GTF2H3: variants seen among roughly 807,000 people sequenced by gnomAD.
GTF2H3 encodes TFIIH basal transcription factor complex p34 subunit.
A neutral mutation model predicts 51.1 loss-of-function variants in GTF2H3; 42 were observed. The observed-to-expected ratio is 0.82, with a 90% CI of 0.64 to 1.06. The LOEUF (loss-of-function observed/expected upper bound fraction) is 1.06, where lower values mean the gene tolerates loss of function less well. Among genes scored for constraint, GTF2H3 ranks in the 50% least tolerant of loss-of-function variants. The pLI is 0.00. For missense variants in GTF2H3, 326 were observed against 366.1 expected, an observed-to-expected ratio of 0.89 and a Z score of 0.89; for synonymous variants, 123 against 123.8, an observed-to-expected ratio of 0.99 and a Z score of 0.04.
intron 7 of GTF2H3, among the ~76,000 whole-genome samples, chr12:123,653,525 T>G (rs1421337518): frequency 6.6e-6 from 1 of 151,778 alleles, no homozygotes; most frequent in African/African-American, 2.4e-5. Flanking sequence ...CGTGGGCGCC[T>G]GTAGTCCCAG....
chr12:123,638,699 TCCTA>T (rs1593793217), intron 1 of GTF2H3, among the ~76,000 whole-genome samples: 3 of 151,816 alleles, frequency 2.0e-5, no homozygotes, highest in Non-Finnish European at 4.4e-5. Flanking sequence ...AGACAAAAAT[TCCTA>T]CCCTCACAGA....
At chr12:123,649,367 T>C (rs1955491648) in intron 4 of GTF2H3, 1 of 152,302 alleles carries the variant, frequency 6.6e-6, no homozygotes, top group Admixed American at 6.5e-5. Flanking sequence ...GTAGGATGTT[T>C]AGCAGCATTT....
Position 123,645,578 on chromosome 12 carries a change from T to C in GTF2H3, c.200+17T>C. The C allele has an allele frequency of 1.5e-6, 2 of 1,318,554 alleles. No homozygotes were observed. The highest frequency in any genetic ancestry group is 2.4e-5 in the South Asian group (2 of 84,710). The allele number at this position is 1,318,554 out of a possible 1,614,324, so 81.7% of individuals were successfully genotyped here. ...TCAAGAAAGGTATGACCATTGTGAT[T>C]GCTTTTGCTCTTCAGTGCTTAATAT... On this transcript the variant is annotated intron_variant, in intron 3 of 12. Coordinates refer to ENST00000543341, the MANE Select transcript of GTF2H3 (RefSeq NM_001516.5).
At chr12:123,641,535 T>A (rs1267124985) in intron 2 of GTF2H3, among the ~76,000 whole-genome samples, 1 of 145,192 alleles carries the variant, frequency 6.9e-6, no homozygotes, top group Non-Finnish European at 1.5e-5. Context: ...CCGTTTTTTT[T>A]TTTGTGTGTT....
At chr12:123,655,869 G>A (rs777731993) in intron 9 of GTF2H3, 45 bp downstream of exon 9, 6 of 1,225,712 alleles carry the variant, frequency 4.9e-6, no homozygotes, top group Non-Finnish European at 7.2e-6. Flanking sequence ...ATGACAATTA[G>A]TGATTTTTAT....
intron 3 of GTF2H3, among the ~76,000 whole-genome samples, chr12:123,646,129 A>T (rs1464619505): frequency 6.6e-6 from 1 of 152,212 alleles, no homozygotes; most frequent in African/African-American, 2.4e-5. Context: ...CATAGCCTGC[A>T]GCTGATGTGT....
chr12:123,659,846 C>T lies in GTF2H3; in HGVS notation c.736C>T (p.Pro246Ser), dbSNP rs566450540. 1.2e-6 allele frequency: 2 copies of T among 1,613,722 alleles called. No individual in the cohort carries two copies. The highest frequency in any genetic ancestry group is 2.2e-5 in the South Asian group (2 of 91,076). ...GAGATCTCAGTTAATCCTCCCACCC[C>T]CAGTTCATGTTGACTACAGGGCTGC... ...DQRSQLILPP[P>S]VHVDYRAACF... The change falls in exon 11 of 13, where the codon CCA (proline) becomes TCA (serine). Residue 246 changes from proline (P) to serine (S), a missense_variant. Coordinates refer to ENST00000543341, the MANE Select transcript of GTF2H3 (RefSeq NM_001516.5).
At chr12:123,643,119 C>G (rs1018341767) in intron 2 of GTF2H3, among the ~76,000 whole-genome samples, 5 of 152,212 alleles carry the variant, frequency 3.3e-5, no homozygotes, top group Non-Finnish European at 5.9e-5. Context: ...CTCAGGCAGT[C>G]TGCCCGCCTT....
intron 4 of GTF2H3, chr12:123,648,340 G>C: frequency 2.6e-6 from 1 of 380,148 alleles, no homozygotes; most frequent in Non-Finnish European, 4.7e-6. Flanking sequence ...ACGACTTTTG[G>C]CTTCTACGAA....
intron 1 of GTF2H3, among the ~76,000 whole-genome samples, chr12:123,636,676 G>A (rs1269153822): frequency 3.3e-5 from 5 of 152,174 alleles, no homozygotes; most frequent in African/African-American, 1.2e-4. Flanking sequence ...CCAGCACTTT[G>A]GGAGGCCAAG....
Position 123,648,009 on chromosome 12 carries a change from G to A in GTF2H3, c.247G>A (p.Gly83Arg), listed in dbSNP as rs200628900. Residue 83 changes from glycine (G) to arginine (R), a missense_variant, in exon 4 of 13, where the codon GGA becomes AGA. Physicochemically the swap from Gly to Arg is moderately radical, Grantham distance 125. Transcript: ENST00000543341. Reference protein sequence around the residue: ...GKNGRLGDFFGDPGNPPEFNP... With the variant: ...GKNGRLGDFFRDPGNPPEFNP... ...GAATGGCAGACTTGGAGACTTCTTC[G>A]GAGACCCTGGCAACCCTCCTGAATT... is the stretch of plus-strand genomic sequence containing the variant. 9.9e-6 allele frequency: 16 copies of A among 1,613,246 alleles called. No individual in the cohort carries two copies. The South Asian group carries it at 1.3e-4, about 13-fold the overall frequency.
intron 2 of GTF2H3, among the ~76,000 whole-genome samples, chr12:123,644,564 G>T (rs1255390260): frequency 1.3e-5 from 2 of 152,006 alleles, no homozygotes; most frequent in Non-Finnish European, 2.9e-5. Context: ...TGCTGGGGAG[G>T]CTGAGGCAGG....
At chr12:123,647,591 T>C (rs975205293) in intron 3 of GTF2H3, among the ~76,000 whole-genome samples, 12 of 152,130 alleles carry the variant, frequency 7.9e-5, no homozygotes, top group African/African-American at 2.9e-4. Flanking sequence ...TAGAATTTGG[T>C]ATGAACCTGT....
intron 8 of GTF2H3, 52 bp downstream of exon 8, chr12:123,655,050 A>G (rs4930737): frequency 0.28 from 398,732 of 1,411,828 alleles, 60,453 homozygotes; most frequent in Non-Finnish European, 0.31. Flanking sequence ...GAAGGAGTCA[A>G]TTTCATTTTT....
chr12:123,650,114 G>GTAT (rs1955501689), intron 4 of GTF2H3: 1 of 152,224 alleles, frequency 6.6e-6, no homozygotes, highest in Non-Finnish European at 1.5e-5. Flanking sequence ...TAGTGCTCAA[G>GTAT]ACCTTTTCTG....
intron 5 of GTF2H3, among the ~76,000 whole-genome samples, chr12:123,651,378 T>C (rs1200557036): frequency 6.6e-6 from 1 of 152,074 alleles, no homozygotes; most frequent in Non-Finnish European, 1.5e-5. Flanking sequence ...CGGCTAATTT[T>C]TTTTGTATTT....
intron 3 of GTF2H3, among the ~76,000 whole-genome samples, chr12:123,647,307 C>A (rs1272084384): frequency 6.6e-6 from 1 of 151,904 alleles, no homozygotes; most frequent in African/African-American, 2.4e-5. Flanking sequence ...CCCATCTCTA[C>A]TAAAAATACA....
At chr12:123,636,276 G>A (rs1373735599) in intron 1 of GTF2H3, among the ~76,000 whole-genome samples, 1 of 152,182 alleles carries the variant, frequency 6.6e-6, no homozygotes, top group Non-Finnish European at 1.5e-5. Context: ...GGTGCTTAGT[G>A]CAGAGGAGGC....
At chr12:123,649,050 T>TC (rs924691967) in intron 4 of GTF2H3, 3 of 152,518 alleles carry the variant, frequency 2.0e-5, no homozygotes, top group African/African-American at 7.2e-5. Context: ...CACTGCAACC[T>TC]CCGCCTCCCG....
Sources: gnomAD v4.1 joint callset for allele counts (sites outside exome capture counted in the v4.1 genomes callset) on GRCh38, gnomAD v4.1.1 for gene constraint, MANE v1.5 for transcripts, NCBI Gene and HGNC (gene_info 2026-07-23, HGNC 2026-07-21) for gene names.